CCDC7: variants seen among roughly 807,000 people sequenced by gnomAD.
CCDC7 encodes coiled-coil domain-containing protein 7.
CCDC7 carries 183 observed loss-of-function variants against 196.9 expected under a neutral mutation model. The observed-to-expected ratio is 0.93, with a 90% confidence interval of 0.82 to 1.05. CCDC7 has a LOEUF of 1.05. CCDC7 is among the 50% of genes least tolerant of loss of function. The pLI is 0.00. For missense variants in CCDC7, 1,540 were observed against 1,482.2 expected (o/e 1.04, Z -0.64); for synonymous variants, 525 against 484.6 (o/e 1.08, Z -1.10).
chr10:32,741,602 C>CA (rs2085863690), intron 28 of CCDC7, among the ~76,000 whole-genome samples: 1 of 152,146 alleles, frequency 6.6e-6, no homozygotes, highest in South Asian at 2.1e-4. Flanking sequence ...AAAAAAGCCA[C>CA]GTATGAGTGG....
At chr10:32,506,985 T>G (rs943461099) in intron 9 of CCDC7, among the ~76,000 whole-genome samples, 1 of 152,182 alleles carries the variant, frequency 6.6e-6, no homozygotes, top group Non-Finnish European at 1.5e-5. Flanking sequence ...TGGTTTTGAT[T>G]TGCATGGAGT....
At chr10:32,759,934 G>T (rs2077156436) in intron 28 of CCDC7, among the ~76,000 whole-genome samples, 1 of 151,790 alleles carries the variant, frequency 6.6e-6, no homozygotes, top group Non-Finnish European at 1.5e-5. Context: ...AGTGGGCGAA[G>T]GATATGAACA....
intron 5 of CCDC7, among the ~76,000 whole-genome samples, chr10:32,470,157 A>G (rs770269238): frequency 1.1e-4 from 17 of 152,130 alleles, no homozygotes; most frequent in Non-Finnish European, 2.2e-4. Flanking sequence ...CTCTCATTCC[A>G]GTCATTACAA....
At chr10:32,679,355 A>G (rs2075514220) in intron 21 of CCDC7, among the ~76,000 whole-genome samples, 1 of 152,096 alleles carries the variant, frequency 6.6e-6, no homozygotes, top group Admixed American at 6.6e-5. Context: ...TCTTACTCAA[A>G]CAGTAAATGG....
At position 32,837,180 on chromosome 10, in the gene CCDC7, C is replaced by T. The variant is rs143025093; in HGVS notation, c.3352+2282C>T. Among the ~76,000 whole-genome samples, 932 of 152,160 alleles carry T rather than the reference C, an allele frequency of 6.1e-3. 11 individuals carry two copies. The highest frequency in any genetic ancestry group is 0.021 in the African/African-American group (888 of 41,502). ...AAATTTTTGCAATCTACTCATCTGA[C>T]GAAGGGCTAATGTCCAGAATCTACA... On this transcript the variant is annotated intron_variant, in intron 33 of 41. Coordinates refer to ENST00000639629, the Ensembl canonical transcript of CCDC7.
At chr10:32,803,157 G>A (rs529473822) in intron 29 of CCDC7, among the ~76,000 whole-genome samples, 67 of 152,336 alleles carry the variant, frequency 4.4e-4, no homozygotes, top group African/African-American at 1.5e-3. Flanking sequence ...CCAATGAGAA[G>A]CATGTGTATT....
intron 9 of CCDC7, among the ~76,000 whole-genome samples, chr10:32,493,614 T>C (rs897119403): frequency 1.3e-5 from 2 of 152,078 alleles, no homozygotes; most frequent in Non-Finnish European, 1.5e-5. Context: ...AGAATCTCCA[T>C]ACTGTTTTCC....
chr10:32,795,607 T>C (rs1007839210), intron 29 of CCDC7, among the ~76,000 whole-genome samples: 2 of 152,222 alleles, frequency 1.3e-5, no homozygotes, highest in Non-Finnish European at 2.9e-5. Flanking sequence ...GTTCCTTGTT[T>C]GCTGTTATTT....
chr10:32,564,364 T>A (rs2056381896), intron 13 of CCDC7, among the ~76,000 whole-genome samples: 1 of 152,126 alleles, frequency 6.6e-6, no homozygotes, highest in South Asian at 2.1e-4. Flanking sequence ...ATGTTTATTG[T>A]GGCACTATTC....
At chr10:32,568,355 T>C (rs1225974243) in intron 15 of CCDC7, among the ~76,000 whole-genome samples, 1 of 152,148 alleles carries the variant, frequency 6.6e-6, no homozygotes, top group Non-Finnish European at 1.5e-5. Flanking sequence ...TGTCAACTCA[T>C]TATTATCTTG....
chr10:32,603,018 C>T (rs1290886699), intron 18 of CCDC7, among the ~76,000 whole-genome samples: 1 of 152,094 alleles, frequency 6.6e-6, no homozygotes, highest in Non-Finnish European at 1.5e-5. Context: ...TTAATATAGT[C>T]ATCCTACTGT....
intron 16 of CCDC7, chr10:32,574,355 TATA>T: frequency 3.5e-6 from 4 of 1,132,000 alleles, no homozygotes; most frequent in Middle Eastern, 3.4e-4. Context: ...TGTTGCTAAA[TATA>T]ATAAAAATTC....
intron 25 of CCDC7, among the ~76,000 whole-genome samples, chr10:32,713,887 C>A (rs985488187): frequency 1.3e-5 from 2 of 152,228 alleles, no homozygotes; most frequent in South Asian, 2.1e-4. Flanking sequence ...ATCTGATTGA[C>A]ATGACCTTAG....
At chr10:32,825,233 A>T (rs956941875) in intron 32 of CCDC7, among the ~76,000 whole-genome samples, 3 of 152,222 alleles carry the variant, frequency 2.0e-5, no homozygotes, top group Non-Finnish European at 2.9e-5. Context: ...ATGATGGTTA[A>T]TACTGTCAAT....
chr10:32,721,906 T>C (rs1210194181), intron 25 of CCDC7, among the ~76,000 whole-genome samples: 1 of 152,098 alleles, frequency 6.6e-6, no homozygotes, highest in African/African-American at 2.4e-5. Context: ...AGTTCCTTTG[T>C]CTTGGGCAGT....
At chr10:32,607,125 CT>C (rs1305912451) in intron 18 of CCDC7, among the ~76,000 whole-genome samples, 1 of 152,134 alleles carries the variant, frequency 6.6e-6, no homozygotes, top group Non-Finnish European at 1.5e-5. Flanking sequence ...GGCATCTCCC[CT>C]GACCCATCTT....
At chr10:32,786,941 A>G (rs561958876) in intron 29 of CCDC7, among the ~76,000 whole-genome samples, 1 of 152,358 alleles carries the variant, frequency 6.6e-6, no homozygotes, top group East Asian at 1.9e-4. Flanking sequence ...AATAATTTAT[A>G]GAGAGATTCA....
chr10:32,451,468 A>G (rs1220716232), upstream of CCDC7: 10 of 807,206 alleles, frequency 1.2e-5, no homozygotes, highest in Non-Finnish European at 1.8e-5. Flanking sequence ...GTGTAATCAT[A>G]GCTTCCAGAA....
At chr10:32,828,545 A>C (rs1273105553) in intron 32 of CCDC7, among the ~76,000 whole-genome samples, 2 of 149,272 alleles carry the variant, frequency 1.3e-5, no homozygotes, top group African/African-American at 4.9e-5. Flanking sequence ...AAGAAGAAGA[A>C]GAAGAAGAAG....
Sources: gnomAD v4.1 joint callset for allele counts (sites outside exome capture counted in the v4.1 genomes callset) on GRCh38, gnomAD v4.1.1 for gene constraint, MANE v1.5 for transcripts, NCBI Gene and HGNC (gene_info 2026-07-23, HGNC 2026-07-21) for gene names.